The following CLCN5 variants were observed in gnomAD, a reference collection of about 807,000 sequenced individuals.
CLCN5 encodes the protein H(+)/Cl(-) exchange transporter 5.
Under a neutral mutation model 54.0 loss-of-function variants are expected in CLCN5, and 17 were observed. That is an observed-to-expected ratio of 0.31 (90% CI 0.22 to 0.47). CLCN5 has a LOEUF of 0.47. Ranked by LOEUF, CLCN5 falls within the 20% of genes least tolerant of loss-of-function variation. CLCN5 has a pLI of 1.00. For missense variants in CLCN5, 448 were observed against 646.7 expected, an observed-to-expected ratio of 0.69 and a Z score of 3.33; for synonymous variants, 222 against 233.0, an observed-to-expected ratio of 0.95 and a Z score of 0.43.
chrX:49,992,212 T>G (rs1408770879), intron 3 of CLCN5, among the ~76,000 whole-genome samples: 2 of 107,236 alleles, frequency 1.9e-5, no homozygotes, highest in Non-Finnish European at 3.9e-5. Context: ...TTTTTTCTTT[T>G]TTTTTTTTTT....
chrX:49,980,630 C>T (rs782818733), intron 3 of CLCN5, among the ~76,000 whole-genome samples: 3 of 111,944 alleles, frequency 2.7e-5, no homozygotes, highest in African/African-American at 9.7e-5. Context: ...ACTGAAAATA[C>T]GGAGTTTTCT....
chrX:49,925,160 T>G lies in CLCN5; in HGVS notation c.-128-11T>G. ...TCTTTTAGGTATTCATTTTTCTGTT[T>G]ACATTTTCAGGTTTGGGGCTTTAGC... is the stretch of plus-strand genomic sequence containing the variant. On this transcript the variant is annotated splice_polypyrimidine_tract_variant and intron_variant, in intron 2 of 14. Transcript: ENST00000376091. 1.6e-6 allele frequency: 1 copy of G among 636,649 alleles called. No individual in the cohort carries two copies. The highest frequency in any genetic ancestry group is 2.6e-6 in the Non-Finnish European group (1 of 388,768). The allele number at this position is 636,649 out of a possible 1,213,427, so 52.5% of individuals were successfully genotyped here. A position where few individuals can be genotyped will look rare whatever the true frequency, so the allele number is the denominator to read the frequency against.
intron 3 of CLCN5, among the ~76,000 whole-genome samples, chrX:49,950,327 T>C (rs782688268): frequency 1.1e-4 from 12 of 112,224 alleles, no homozygotes; most frequent in Non-Finnish European, 2.1e-4. Context: ...ATTTGCTTTA[T>C]GAAATTGGGA....
At chrX:49,988,857 T>G (rs1418804865) in intron 3 of CLCN5, among the ~76,000 whole-genome samples, 2 of 110,791 alleles carry the variant, frequency 1.8e-5, no homozygotes, top group African/African-American at 6.6e-5. Context: ...TGTGCCATAC[T>G]AGGAGTAGCA....
chrX:49,944,297 A>C (rs1926560091), intron 3 of CLCN5, among the ~76,000 whole-genome samples: 1 of 111,559 alleles, frequency 9.0e-6, no homozygotes, highest in Admixed American at 9.5e-5. Flanking sequence ...GCTTAAGGAG[A>C]TTTTGGGCTG....
intron 5 of CLCN5, among the ~76,000 whole-genome samples, chrX:50,070,892 A>G (rs1366363165): frequency 9.0e-6 from 1 of 111,368 alleles, no homozygotes; most frequent in Non-Finnish European, 1.9e-5. Flanking sequence ...TGGTTTGTAT[A>G]AGGGCCACGT....
chrX:49,948,160 C>CTT (rs78984984), intron 3 of CLCN5, among the ~76,000 whole-genome samples: 17 of 98,245 alleles, frequency 1.7e-4, no homozygotes, highest in African/African-American at 2.9e-4. Flanking sequence ...CTGGCTTCAC[C>CTT]TTTTTTTTTT....
At chrX:49,980,690 G>T (rs1028288159) in intron 3 of CLCN5, among the ~76,000 whole-genome samples, 6 of 111,496 alleles carry the variant, frequency 5.4e-5, no homozygotes, top group Non-Finnish European at 9.4e-5. Context: ...ATAGAGTACT[G>T]TATCCTTAAT....
intron 3 of CLCN5, among the ~76,000 whole-genome samples, chrX:49,958,924 C>T (rs1927464613): frequency 8.9e-6 from 1 of 112,121 alleles, no homozygotes; most frequent in South Asian, 3.7e-4. Context: ...ATATCTTCTA[C>T]TTAGGGTAGA....
chrX:50,043,963 T>C (rs1932309366), intron 4 of CLCN5, among the ~76,000 whole-genome samples: 1 of 111,775 alleles, frequency 8.9e-6, no homozygotes, highest in Admixed American at 9.5e-5. Flanking sequence ...CAAATTCATA[T>C]TAAGTACATA....
intron 3 of CLCN5, among the ~76,000 whole-genome samples, chrX:49,953,846 C>A (rs1196210691): frequency 8.9e-6 from 1 of 112,030 alleles, no homozygotes; most frequent in Non-Finnish European, 1.9e-5. Flanking sequence ...CAGTAGTCAA[C>A]TGAACTCTTG....
chrX:50,089,402 C>A (rs990228560), intron 12 of CLCN5, among the ~76,000 whole-genome samples: 17 of 112,099 alleles, frequency 1.5e-4, no homozygotes, highest in Non-Finnish European at 2.8e-4. Flanking sequence ...TGAGTTCACT[C>A]ATTTAAAAAC....
chrX:49,935,008 G>A (rs1601952049), intron 3 of CLCN5, among the ~76,000 whole-genome samples: 1 of 111,920 alleles, frequency 8.9e-6, no homozygotes, highest in East Asian at 2.8e-4. Flanking sequence ...AGAATGGTGA[G>A]AGACAGGTAG....
intron 3 of CLCN5, among the ~76,000 whole-genome samples, chrX:49,972,505 C>T (rs1019323982): frequency 7.2e-5 from 8 of 111,745 alleles, no homozygotes; most frequent in South Asian, 3.8e-4. Context: ...AAAATGCTTT[C>T]GCTGTATCAG....
At chrX:49,995,591 A>AC (rs1929479396) in intron 3 of CLCN5, among the ~76,000 whole-genome samples, 1 of 111,574 alleles carries the variant, frequency 9.0e-6, no homozygotes, top group Admixed American at 9.5e-5. Flanking sequence ...TAAAGGCTTG[A>AC]CAGCTCCTAA....
At chrX:49,990,685 G>T (rs1483117647) in intron 3 of CLCN5, among the ~76,000 whole-genome samples, 1 of 111,935 alleles carries the variant, frequency 8.9e-6, no homozygotes, top group Non-Finnish European at 1.9e-5. Context: ...TGTTCTGCCT[G>T]CCTCGGCCTC....
intron 3 of CLCN5, among the ~76,000 whole-genome samples, chrX:50,004,955 T>C (rs910746627): frequency 6.3e-5 from 7 of 111,909 alleles, no homozygotes; most frequent in Non-Finnish European, 1.1e-4. Context: ...TCATCACATA[T>C]CTGTTGTTCC....
intron 3 of CLCN5, among the ~76,000 whole-genome samples, chrX:49,936,162 G>C (rs782699797): frequency 4.7e-4 from 52 of 111,597 alleles, no homozygotes; most frequent in Non-Finnish European, 6.6e-4. Context: ...CTGTCACTAG[G>C]AACCACATCC....
At chrX:50,001,338 A>T (rs1189227677) in intron 3 of CLCN5, among the ~76,000 whole-genome samples, 1 of 110,358 alleles carries the variant, frequency 9.1e-6, no homozygotes, top group East Asian at 2.9e-4. Flanking sequence ...ATTAAAAAGC[A>T]CTACCTTCTC....
Sources: gnomAD v4.1 joint callset for allele counts (sites outside exome capture counted in the v4.1 genomes callset) on GRCh38, gnomAD v4.1.1 for gene constraint, MANE v1.5 for transcripts, NCBI Gene and HGNC (gene_info 2026-07-23, HGNC 2026-07-21) for gene names.